Variants in ERBIN observed in about 807,000 individuals in gnomAD.
ERBIN encodes densin-180-like protein.
In ERBIN, 60 loss-of-function variants were observed where a neutral mutation model predicts 158.4. The ratio of observed to expected loss-of-function variants is 0.38; its 90% CI spans 0.31 to 0.47. The LOEUF is 0.47. ERBIN is among the 20% of genes least tolerant of loss of function. ERBIN has a pLI of 0.99. For missense variants in ERBIN, 1,610 were observed against 1,648.0 expected, an observed-to-expected ratio of 0.98 and a Z score of 0.40; for synonymous variants, 594 against 557.2, an observed-to-expected ratio of 1.07 and a Z score of -0.93.
chr5:65,944,746 A>G (rs1745529828), intron 1 of ERBIN, among the ~76,000 whole-genome samples: 1 of 152,148 alleles, frequency 6.6e-6, no homozygotes, highest in South Asian at 2.1e-4. Context: ...AGAGATGTCG[A>G]GTATCTTTAT....
In ERBIN at chr5:66,075,172, C is replaced by T. The variant is rs770329711; in HGVS notation, c.3905C>T (p.Pro1302Leu). ...TTGATGCTGAAAGTGGCCCACCAGC[C>T]TCCATATACACAGCCCCATTGTTCT... ...DYLMLKVAHQ[P>L]PYTQPHCSPR... The change falls in exon 23 of 26, where the codon CCT (proline) becomes CTT (leucine). Residue 1302 changes from proline (P) to leucine (L), a missense_variant. This residue lies in a region of ERBIN where 1,014 missense variants were observed against 936.1 expected (regional missense o/e 1.08). Coordinates refer to ENST00000284037, the MANE Select transcript of ERBIN (RefSeq NM_001253697.2). 61 of 1,614,044 alleles carry T rather than the reference C, an allele frequency of 3.8e-5. No homozygotes were observed. The highest frequency in any genetic ancestry group is 4.8e-5 in the Non-Finnish European group (57 of 1,180,034).
At chr5:66,023,842 ATT>A (rs886145392) in intron 9 of ERBIN, among the ~76,000 whole-genome samples, 9 of 151,088 alleles carry the variant, frequency 6.0e-5, no homozygotes, top group Non-Finnish European at 1.0e-4. Flanking sequence ...TGCCCAGCTA[ATT>A]TTTTTTTATT....
chr5:65,966,997 C>G (rs1441919319), intron 1 of ERBIN, among the ~76,000 whole-genome samples: 1 of 151,846 alleles, frequency 6.6e-6, no homozygotes, highest in Non-Finnish European at 1.5e-5. Context: ...GGAGCTGGGC[C>G]TGGTAGTGTA....
chr5:65,941,075 T>G (rs1308042354), intron 1 of ERBIN, among the ~76,000 whole-genome samples: 1 of 151,666 alleles, frequency 6.6e-6, no homozygotes, highest in Non-Finnish European at 1.5e-5. Flanking sequence ...AATGGATTAA[T>G]GGTGGTGCAA....
chr5:66,011,717 CT>C (rs35610163), intron 4 of ERBIN, among the ~76,000 whole-genome samples: 6,428 of 151,266 alleles, frequency 0.042, 466 homozygotes, highest in African/African-American at 0.15. Context: ...AAAAACGGTC[CT>C]TTTTTTTTAA....
At chr5:65,995,277 C>T (rs1463558018) in intron 4 of ERBIN, among the ~76,000 whole-genome samples, 1 of 152,088 alleles carries the variant, frequency 6.6e-6, no homozygotes, top group East Asian at 1.9e-4. Context: ...TATTCCAATC[C>T]TCCATCCCTG....
rs1363625092 is a variant in ERBIN at position 66,054,245 on chromosome 5, A to C, written c.2927A>C (p.Gln976Pro). The C allele has an allele frequency of 1.9e-6, 3 of 1,614,036 alleles. No individual in the cohort carries two copies. Among genetic ancestry groups the C allele is most frequent in the Admixed American group, 1.7e-5 (1 of 60,002 alleles). ...GCACCTCAAATATATGGTCCTCCAC[A>C]GTATAATATCCAATACAGTAGCAGT... ...QSAPQIYGPP[Q>P]YNIQYSSSAA... The change falls in exon 21 of 26, where the codon CAG becomes CCG. Residue 976 changes from glutamine to proline, a missense_variant. By Grantham distance (76) the Gln-to-Pro change is moderately conservative. Coordinates refer to ENST00000284037, the MANE Select transcript of ERBIN (RefSeq NM_001253697.2).
In ERBIN at chr5:66,078,462, G is replaced by A. The variant is rs1762214307; in HGVS notation, c.4171G>A (p.Ala1391Thr). Residue 1391 changes from alanine to threonine, a missense_variant, in exon 26 of 26, where the codon GCA (alanine) becomes ACA (threonine). Physicochemically the swap from Ala to Thr is moderately conservative, Grantham distance 58. Coordinates refer to ENST00000284037, the MANE Select transcript of ERBIN (RefSeq NM_001253697.2). Reference sequence around the variant, plus strand: ...TTTTATAAATATTGAACATGGACAAGCAGTGTCCTTGCTAAAAACTTTCCA... The same window carrying A: ...TTTTATAAATATTGAACATGGACAAACAGTGTCCTTGCTAAAAACTTTCCA... Reference protein sequence around the residue: ...YSFINIEHGQAVSLLKTFQNT... With the variant: ...YSFINIEHGQTVSLLKTFQNT... 1 of 1,594,656 alleles carries A rather than the reference G, an allele frequency of 6.3e-7. No individual in the cohort carries two copies. Among genetic ancestry groups the A allele is most frequent in the Admixed American group, 1.8e-5 (1 of 54,368 alleles).
intron 19 of ERBIN, 45 bp from the exon 20 acceptor site, chr5:66,050,738 A>G (rs1409685104): frequency 6.2e-6 from 8 of 1,299,048 alleles, no homozygotes; most frequent in East Asian, 2.5e-5. Flanking sequence ...ATTTCACACA[A>G]TTCTTGGGGA....
rs1172941583 is a variant in ERBIN, at chr5:66,080,655, A to G, written c.*2125A>G. The G allele has an allele frequency of 6.6e-6, 1 of 152,206 alleles. No homozygotes were observed. The highest frequency in any genetic ancestry group is 1.5e-5 in the Non-Finnish European group (1 of 67,918). 9.4% of individuals were successfully genotyped at this position (152,206 alleles called of 1,614,324 possible). A position where few individuals can be genotyped will look rare whatever the true frequency, so the allele number is the denominator to read the frequency against. On this transcript the variant is annotated 3_prime_UTR_variant, in exon 26 of 26. Coordinates refer to ENST00000284037, the MANE Select transcript of ERBIN (RefSeq NM_001253697.2). ...ATCAGAAATATATTTAATAAGTATA[A>G]TTGTGAAGTTTTCAACTACTTTACC...
intron 7 of ERBIN, among the ~76,000 whole-genome samples, chr5:66,016,736 C>T (rs1488478874): frequency 3.3e-5 from 5 of 151,980 alleles, no homozygotes; most frequent in African/African-American, 9.7e-5. Context: ...TTCTCAGCCT[C>T]CAGAGTGGCT....
intron 1 of ERBIN, among the ~76,000 whole-genome samples, chr5:65,970,720 C>T (rs1476931529): frequency 6.6e-6 from 1 of 152,100 alleles, no homozygotes; most frequent in Non-Finnish European, 1.5e-5. Context: ...CCAAGTGTAG[C>T]TGGGGCTACA....
chr5:65,943,254 GAGA>G (rs1410869068), intron 1 of ERBIN, among the ~76,000 whole-genome samples: 7 of 152,210 alleles, frequency 4.6e-5, no homozygotes, highest in African/African-American at 1.7e-4. Flanking sequence ...TAGAAGGGAT[GAGA>G]AGGAGGAATT....
intron 2 of ERBIN, 38 bp from the exon 3 acceptor site, chr5:65,992,672 A>G: frequency 2.1e-6 from 3 of 1,440,970 alleles, no homozygotes; most frequent in Non-Finnish European, 2.8e-6. Context: ...CCGTTGTAAT[A>G]TGTATGTTTT....
chr5:66,008,410 C>T (rs1325418073), intron 4 of ERBIN, among the ~76,000 whole-genome samples: 1 of 152,150 alleles, frequency 6.6e-6, no homozygotes, highest in Admixed American at 6.5e-5. Context: ...CAGTGTGAGA[C>T]TCCATCGCTA....
Position 66,078,638 on chromosome 5 carries a change from T to C in ERBIN, c.*108T>C. The stretch of plus-strand genomic sequence containing the variant: ...TATATATAAAGAAGAACTCAAAAAA[T>C]TATGTTCAAATTTGTACATTAATGA... On this transcript the variant is annotated 3_prime_UTR_variant, in exon 26 of 26. Transcript: ENST00000284037. The C allele has an allele frequency of 1.4e-6, 1 of 711,804 alleles. No homozygotes were observed. The highest frequency in any genetic ancestry group is 2.4e-6 in the Non-Finnish European group (1 of 414,728). 44.1% of individuals were successfully genotyped at this position (711,804 alleles called of 1,614,324 possible).
At chr5:66,056,707 CTG>C (rs1261364140) in intron 21 of ERBIN, among the ~76,000 whole-genome samples, 1 of 152,106 alleles carries the variant, frequency 6.6e-6, no homozygotes, top group Non-Finnish European at 1.5e-5. Context: ...ACAGGGCAAA[CTG>C]TGTCTGAACA....
intron 7 of ERBIN, among the ~76,000 whole-genome samples, chr5:66,017,422 G>T (rs972091277): frequency 4.0e-5 from 6 of 151,354 alleles, no homozygotes; most frequent in Admixed American, 3.3e-4. Flanking sequence ...AGTTTTCTCT[G>T]ATTAGTGATG....
intron 1 of ERBIN, among the ~76,000 whole-genome samples, chr5:65,937,674 C>T (rs913693611): frequency 1.3e-5 from 2 of 152,044 alleles, no homozygotes; most frequent in African/African-American, 2.4e-5. Flanking sequence ...TTTGGGAGGC[C>T]GAGGCGGGCG....
Sources: gnomAD v4.1 joint callset for allele counts (sites outside exome capture counted in the v4.1 genomes callset) on GRCh38, gnomAD v4.1.1 for gene constraint, gnomAD v4.1.1 regional missense constraint, MANE v1.5 for transcripts, NCBI Gene and HGNC (gene_info 2026-07-23, HGNC 2026-07-21) for gene names.